The following AUTS2 variants were observed in gnomAD, a reference collection of about 807,000 sequenced individuals.
The protein encoded by AUTS2 is activator of transcription and developmental regulator AUTS2, also known as autism susceptibility gene 2 protein.
A neutral mutation model predicts 112.4 loss-of-function variants in AUTS2; 17 were observed. That is an observed-to-expected ratio of 0.15 (90% CI 0.10 to 0.23). The LOEUF (loss-of-function observed/expected upper bound fraction) is 0.23, where lower values mean the gene tolerates loss of function less well. AUTS2 is among the 10% of genes least tolerant of loss of function. The pLI is 1.00. For synonymous variants in AUTS2, 751 were observed against 702.7 expected (o/e 1.07, Z -1.09); for missense variants, 1,510 against 1,701.6 (o/e 0.89, Z 1.98).
intron 4 of AUTS2, among the ~76,000 whole-genome samples, chr7:70,336,219 G>C (rs1422925689): frequency 6.6e-6 from 1 of 152,018 alleles, no homozygotes; most frequent in Non-Finnish European, 1.5e-5. Context: ...AAAATAAAAT[G>C]GAACAATAAA....
chr7:70,295,101 C>T (rs1015778913), intron 4 of AUTS2, among the ~76,000 whole-genome samples: 5 of 152,184 alleles, frequency 3.3e-5, no homozygotes, highest in Admixed American at 1.3e-4. Flanking sequence ...TTTTTCTGCT[C>T]CCAGCTCATA....
At chr7:69,831,061 GA>G (rs1313409848) in intron 1 of AUTS2, among the ~76,000 whole-genome samples, 1 of 152,176 alleles carries the variant, frequency 6.6e-6, no homozygotes, top group Non-Finnish European at 1.5e-5. Flanking sequence ...ATTCAACAGT[GA>G]AATTCTGGGG....
chr7:70,231,312 A>G (rs74577664), intron 4 of AUTS2, among the ~76,000 whole-genome samples: 115 of 152,342 alleles, frequency 7.5e-4, no homozygotes, highest in African/African-American at 2.7e-3. Context: ...CACCACCCAG[A>G]TTAAGATACA....
chr7:70,251,934 T>G (rs1786621968), intron 4 of AUTS2, among the ~76,000 whole-genome samples: 1 of 152,164 alleles, frequency 6.6e-6, no homozygotes, highest in African/African-American at 2.4e-5. Context: ...AATTTGTTTT[T>G]TCTCTCTCGG....
intron 2 of AUTS2, among the ~76,000 whole-genome samples, chr7:70,001,154 C>T (rs1158246583): frequency 6.6e-6 from 1 of 152,152 alleles, no homozygotes; most frequent in Admixed American, 6.5e-5. Flanking sequence ...CAGACAGAGT[C>T]TCATTCTGTT....
chr7:70,026,262 C>T (rs1377676784), intron 2 of AUTS2, among the ~76,000 whole-genome samples: 1 of 152,174 alleles, frequency 6.6e-6, no homozygotes, highest in Non-Finnish European at 1.5e-5. Context: ...TACTCTTTAC[C>T]TTCTTTGTAG....
At chr7:69,757,897 G>T (rs572384588) in intron 1 of AUTS2, among the ~76,000 whole-genome samples, 1 of 152,302 alleles carries the variant, frequency 6.6e-6, no homozygotes, top group South Asian at 2.1e-4. Flanking sequence ...AGTCTAATAT[G>T]AACTGTTTGG....
intron 2 of AUTS2, among the ~76,000 whole-genome samples, chr7:69,935,383 AT>A (rs1158218465): frequency 6.6e-6 from 1 of 152,206 alleles, no homozygotes; most frequent in Non-Finnish European, 1.5e-5. Flanking sequence ...TCATCATAGA[AT>A]TTTAAACTAG....
intron 4 of AUTS2, among the ~76,000 whole-genome samples, chr7:70,430,155 A>G (rs1795593290): frequency 6.6e-6 from 1 of 152,194 alleles, no homozygotes; most frequent in Non-Finnish European, 1.5e-5. Context: ...GGGGTGAGAG[A>G]GGAAGATAAG....
At chr7:70,134,334 A>G (rs1218094291) in intron 3 of AUTS2, among the ~76,000 whole-genome samples, 1 of 152,188 alleles carries the variant, frequency 6.6e-6, no homozygotes, top group African/African-American at 2.4e-5. Flanking sequence ...GCACGTTAGC[A>G]TCTCTGAGTT....
At chr7:70,650,234 A>C (rs957999667) in intron 5 of AUTS2, among the ~76,000 whole-genome samples, 2 of 152,170 alleles carry the variant, frequency 1.3e-5, no homozygotes, top group Non-Finnish European at 2.9e-5. Flanking sequence ...CTCAGGTTTC[A>C]CTGGCCAGAA....
At chr7:70,577,939 T>C (rs1802247469) in intron 5 of AUTS2, among the ~76,000 whole-genome samples, 1 of 152,086 alleles carries the variant, frequency 6.6e-6, no homozygotes, top group African/African-American at 2.4e-5. Context: ...CACGCCATTC[T>C]CCTGCCTCAG....
At chr7:69,710,123 CAAATT>C (rs911810419) in intron 1 of AUTS2, among the ~76,000 whole-genome samples, 3 of 152,222 alleles carry the variant, frequency 2.0e-5, no homozygotes, top group African/African-American at 4.8e-5. Flanking sequence ...AAAGCAAAAT[CAAATT>C]AAATAAGTCC....
At chr7:70,025,022 C>T (rs1800451129) in intron 2 of AUTS2, among the ~76,000 whole-genome samples, 1 of 152,192 alleles carries the variant, frequency 6.6e-6, no homozygotes, top group Non-Finnish European at 1.5e-5. Context: ...TCCTTTTTCC[C>T]TCACTGTGTG....
In AUTS2 at chr7:70,038,781, T is replaced by C. The variant is rs368461321; in HGVS notation, c.523-79351T>C. 3.9e-5 allele frequency among the ~76,000 whole-genome samples: 6 copies of C among 152,160 alleles called. No individual in the cohort carries two copies. In the South Asian group the frequency reaches 1.2e-3, roughly 32 times the overall value. ...CCTGGGTTTCTAATTATTATTATTA[T>C]TATTTTTGAAACGGAGTCTCACCCT... On this transcript the variant is annotated intron_variant, in intron 2 of 18. Coordinates refer to ENST00000342771, the MANE Select transcript of AUTS2 (RefSeq NM_015570.4).
chr7:70,655,253 C>T (rs1806710242), intron 5 of AUTS2, among the ~76,000 whole-genome samples: 1 of 152,244 alleles, frequency 6.6e-6, no homozygotes, highest in Admixed American at 6.5e-5. Flanking sequence ...CTCTCCAGTC[C>T]TTGAGCCAGT....
At chr7:70,516,505 T>C (rs924484075) in intron 5 of AUTS2, among the ~76,000 whole-genome samples, 2 of 152,124 alleles carry the variant, frequency 1.3e-5, no homozygotes, top group South Asian at 2.1e-4. Context: ...GGGAAGAGCA[T>C]TGGAGTCTGA....
intron 5 of AUTS2, among the ~76,000 whole-genome samples, chr7:70,483,503 G>A (rs1355005665): frequency 6.6e-6 from 1 of 152,196 alleles, no homozygotes; most frequent in Non-Finnish European, 1.5e-5. Flanking sequence ...TCGAAGTGAA[G>A]GGGAGACAGG....
At chr7:69,843,922 G>A (rs1254714115) in intron 1 of AUTS2, among the ~76,000 whole-genome samples, 1 of 152,164 alleles carries the variant, frequency 6.6e-6, no homozygotes, top group Admixed American at 6.5e-5. Flanking sequence ...TTTTACTTGA[G>A]CGCTCAATGC....
Sources: allele counts gnomAD v4.1 joint callset (sites outside exome capture counted in the v4.1 genomes callset), GRCh38; gene constraint gnomAD v4.1.1; transcripts MANE v1.5; gene names NCBI Gene and HGNC (gene_info 2026-07-23, HGNC 2026-07-21).